GRIN2A: variants seen among roughly 807,000 people sequenced by gnomAD.
The protein encoded by GRIN2A is glutamate receptor ionotropic, NMDA 2A.
In GRIN2A, 22 loss-of-function variants were observed where a neutral mutation model predicts 113.4. The ratio of observed to expected loss-of-function variants is 0.19; its 90% CI spans 0.14 to 0.28. The LOEUF is 0.28. Ranked by LOEUF, GRIN2A falls within the 10% of genes least tolerant of loss-of-function variation. The pLI is 1.00. For missense variants in GRIN2A, 1,502 were observed against 1,887.0 expected, an observed-to-expected ratio of 0.80 and a Z score of 3.78; for synonymous variants, 827 against 738.4, an observed-to-expected ratio of 1.12 and a Z score of -1.94.
intron 5 of GRIN2A, among the ~76,000 whole-genome samples, chr16:9,842,546 T>C (rs2042698774): frequency 1.3e-5 from 2 of 152,128 alleles, no homozygotes; most frequent in Admixed American, 6.6e-5. Flanking sequence ...TTCCATGTCA[T>C]ATGAAAAAAG....
intron 10 of GRIN2A, among the ~76,000 whole-genome samples, chr16:9,809,499 C>A (rs987130129): frequency 6.6e-6 from 1 of 151,012 alleles, no homozygotes; most frequent in South Asian, 2.1e-4. Flanking sequence ...ATCAAACAGA[C>A]AACAGATTGG....
chr16:9,789,981 A>C (rs1362963494), intron 11 of GRIN2A, among the ~76,000 whole-genome samples: 3 of 152,198 alleles, frequency 2.0e-5, no homozygotes, highest in Non-Finnish European at 2.9e-5. Context: ...AACACTATGG[A>C]TATGAAACTT....
intron 2 of GRIN2A, among the ~76,000 whole-genome samples, chr16:9,955,457 G>A (rs938578525): frequency 3.3e-5 from 5 of 152,134 alleles, no homozygotes; most frequent in South Asian, 2.1e-4. Flanking sequence ...GCTCTTCCAT[G>A]CTCTTTCTTG....
rs913515183 is a variant in GRIN2A, at chr16:9,762,539, A to T, written c.*610T>A. 6 of 228,260 alleles carry T rather than the reference A, an allele frequency of 2.6e-5. No individual in the cohort carries two copies. The highest frequency in any genetic ancestry group is 1.3e-4 in the African/African-American group (6 of 44,828). 14.1% of individuals were successfully genotyped at this position (228,260 alleles called of 1,614,324 possible). On this transcript the variant is annotated 3_prime_UTR_variant, in exon 13 of 13. Transcript: ENST00000330684. Reference sequence around the variant, plus strand: ...TAGCACAGTCATCACGAACACACTGATTTGCTATTCTTTAGGGGAGCCTGG... The same window carrying T: ...TAGCACAGTCATCACGAACACACTGTTTTGCTATTCTTTAGGGGAGCCTGG...
At chr16:9,909,606 G>C (rs1460745749) in intron 3 of GRIN2A, among the ~76,000 whole-genome samples, 2 of 152,222 alleles carry the variant, frequency 1.3e-5, no homozygotes, top group East Asian at 1.9e-4. Context: ...ACAGAGAAAA[G>C]AGCTGTGTGG....
chr16:10,165,996 C>T (rs1038603953), intron 2 of GRIN2A, among the ~76,000 whole-genome samples: 1 of 152,188 alleles, frequency 6.6e-6, no homozygotes, highest in Non-Finnish European at 1.5e-5. Flanking sequence ...CTACAGCAAG[C>T]CTGCCTTTTT....
At chr16:9,829,177 C>T (rs969856209) in intron 9 of GRIN2A, among the ~76,000 whole-genome samples, 7 of 152,202 alleles carry the variant, frequency 4.6e-5, no homozygotes, top group South Asian at 2.1e-4. Context: ...ATAGGAAACA[C>T]GACCACTCGG....
chr16:10,019,815 G>A (rs2046682478), intron 2 of GRIN2A, among the ~76,000 whole-genome samples: 1 of 152,128 alleles, frequency 6.6e-6, no homozygotes, highest in Non-Finnish European at 1.5e-5. Context: ...TGACCAAAGG[G>A]TACCAACTCT....
At chr16:9,801,538 T>G (rs571491017) in intron 10 of GRIN2A, among the ~76,000 whole-genome samples, 1 of 152,372 alleles carries the variant, frequency 6.6e-6, no homozygotes, top group East Asian at 1.9e-4. Flanking sequence ...TAAGTTGGTA[T>G]TTTATGGACA....
chr16:9,811,112 G>C lies in GRIN2A; in HGVS notation c.2168+11152C>G, dbSNP rs540417898. ...GGAGATGTGTTTATAATTTTACTGT[G>C]GGGAGAAAGGAAGCTGAGCTATTCC... is the stretch of plus-strand genomic sequence containing the variant. On this transcript the variant is annotated intron_variant, in intron 10 of 12. Coordinates refer to ENST00000330684, the MANE Select transcript of GRIN2A (RefSeq NM_001134407.3). Among the ~76,000 whole-genome samples the C allele has an allele frequency of 5.4e-4, 82 of 152,244 alleles. 1 individual carries two copies. The highest frequency in any genetic ancestry group is 3.4e-3 in the Middle Eastern group (1 of 294).
chr16:9,861,976 T>A (rs16966517), intron 4 of GRIN2A, among the ~76,000 whole-genome samples: 2,946 of 152,286 alleles, frequency 0.019, 103 homozygotes, highest in African/African-American at 0.067. Flanking sequence ...GGAAGCTGAT[T>A]AAGAATGCAG....
chr16:9,880,280 G>C (rs1567367897), intron 4 of GRIN2A, among the ~76,000 whole-genome samples: 1 of 152,154 alleles, frequency 6.6e-6, no homozygotes, highest in South Asian at 2.1e-4. Flanking sequence ...TTATCATGGA[G>C]CCCCCTCGAT....
At chr16:9,769,451 C>CTTT (rs34847596) in intron 11 of GRIN2A, among the ~76,000 whole-genome samples, 1 of 104,886 alleles carries the variant, frequency 9.5e-6, no homozygotes, top group East Asian at 3.2e-4. Context: ...GGAGTTTTGT[C>CTTT]TTTTTTTTTT....
chr16:9,978,601 A>C (rs2045822492), intron 2 of GRIN2A, among the ~76,000 whole-genome samples: 1 of 151,934 alleles, frequency 6.6e-6, no homozygotes, highest in African/African-American at 2.4e-5. Flanking sequence ...TTCCCTCTGT[A>C]AGAACATTAC....
intron 2 of GRIN2A, among the ~76,000 whole-genome samples, chr16:9,981,368 C>T (rs2045888962): frequency 6.6e-6 from 1 of 152,168 alleles, no homozygotes; most frequent in South Asian, 2.1e-4. Flanking sequence ...AAACTTGGGT[C>T]ACTTTATATT....
chr16:9,854,651 C>G (rs912768831), intron 4 of GRIN2A, among the ~76,000 whole-genome samples: 1 of 152,112 alleles, frequency 6.6e-6, no homozygotes, highest in Non-Finnish European at 1.5e-5. Context: ...TAAACTGGAC[C>G]TTTTTCCTGT....
intron 2 of GRIN2A, among the ~76,000 whole-genome samples, chr16:10,009,340 T>A (rs139136325): frequency 7.9e-4 from 120 of 152,092 alleles, no homozygotes; most frequent in Non-Finnish European, 1.3e-3. Context: ...AGAAACACAA[T>A]AGAGTTGACA....
chr16:9,812,444 G>C (rs1356009797), intron 10 of GRIN2A, among the ~76,000 whole-genome samples: 1 of 152,118 alleles, frequency 6.6e-6, no homozygotes, highest in Non-Finnish European at 1.5e-5. Context: ...TTCAAGACCA[G>C]CCTGGCCAAC....
At chr16:9,995,081 C>A (rs1466246197) in intron 2 of GRIN2A, among the ~76,000 whole-genome samples, 5 of 152,168 alleles carry the variant, frequency 3.3e-5, no homozygotes, top group Non-Finnish European at 7.3e-5. Flanking sequence ...TTGGTTTCAT[C>A]AAATTCTTCA....
Sources: allele counts gnomAD v4.1 joint callset (sites outside exome capture counted in the v4.1 genomes callset), GRCh38; gene constraint gnomAD v4.1.1; transcripts MANE v1.5; gene names NCBI Gene and HGNC (gene_info 2026-07-23, HGNC 2026-07-21).